Variants in NSRP1 observed in about 807,000 individuals in gnomAD.
The protein encoded by NSRP1 is coiled-coil domain containing 55.
Under a neutral mutation model 54.7 loss-of-function variants are expected in NSRP1, and 24 were observed. That is an observed-to-expected ratio of 0.44 (90% CI 0.32 to 0.62). NSRP1 has a LOEUF of 0.62. Ranked by LOEUF, NSRP1 falls within the 20% of genes least tolerant of loss-of-function variation. The pLI, the probability that NSRP1 is intolerant of heterozygous loss-of-function variation, is 0.06. For synonymous variants in NSRP1, 210 were observed against 213.8 expected, an observed-to-expected ratio of 0.98 and a Z score of 0.15; for missense variants, 596 against 651.2, an observed-to-expected ratio of 0.92 and a Z score of 0.92.
intron 2 of NSRP1, among the ~76,000 whole-genome samples, chr17:30,156,185 TTTC>T (rs2071960143): frequency 6.6e-6 from 1 of 151,166 alleles, no homozygotes; most frequent in Non-Finnish European, 1.5e-5. Context: ...ATGTACATTA[TTTC>T]AAATAGTTTC....
intron 2 of NSRP1, among the ~76,000 whole-genome samples, chr17:30,169,676 T>A (rs1438148606): frequency 6.6e-6 from 1 of 152,112 alleles, no homozygotes; most frequent in Non-Finnish European, 1.5e-5. Context: ...CAGCTATTAC[T>A]GTTTTTGTTA....
chr17:30,162,531 A>G (rs945126456), intron 2 of NSRP1, among the ~76,000 whole-genome samples: 2 of 152,364 alleles, frequency 1.3e-5, no homozygotes, highest in Non-Finnish European at 2.9e-5. Context: ...GTAAAAAAGA[A>G]CAGGAAGTTC....
intron 2 of NSRP1, among the ~76,000 whole-genome samples, chr17:30,145,359 C>A (rs1022987243): frequency 3.9e-5 from 6 of 152,106 alleles, no homozygotes; most frequent in Non-Finnish European, 8.8e-5. Context: ...CCAAGGTGGG[C>A]GGATCACGAG....
At chr17:30,124,853 A>T (rs527611967) in intron 2 of NSRP1, among the ~76,000 whole-genome samples, 3 of 152,316 alleles carry the variant, frequency 2.0e-5, no homozygotes, top group Admixed American at 6.5e-5. Context: ...AGTCTGGTTA[A>T]TTCCAGCTTG....
chr17:30,125,420 T>G (rs1164031743), intron 2 of NSRP1, among the ~76,000 whole-genome samples: 1 of 152,210 alleles, frequency 6.6e-6, no homozygotes, highest in Admixed American at 6.5e-5. Flanking sequence ...GCATTTAAGA[T>G]CAGATTTTTT....
chr17:30,169,342 A>C (rs769715821), intron 2 of NSRP1, among the ~76,000 whole-genome samples: 4 of 152,112 alleles, frequency 2.6e-5, no homozygotes, highest in Non-Finnish European at 5.9e-5. Flanking sequence ...TAAAGGTGAC[A>C]GACTGAAGGA....
chr17:30,123,867 C>T (rs978668842), intron 2 of NSRP1, among the ~76,000 whole-genome samples: 13 of 152,234 alleles, frequency 8.5e-5, no homozygotes, highest in African/African-American at 3.1e-4. Context: ...TTCTAGCACC[C>T]TTGTGGTTTA....
At chr17:30,136,326 TC>T (rs1425348836) in intron 2 of NSRP1, among the ~76,000 whole-genome samples, 1 of 152,222 alleles carries the variant, frequency 6.6e-6, no homozygotes, top group Non-Finnish European at 1.5e-5. Flanking sequence ...TGATTTTTTT[TC>T]TTTAATCCTG....
rs201919501 is a variant in NSRP1, at chr17:30,181,007, G to A, written c.608G>A (p.Arg203His). The change falls in exon 6 of 7, where the codon CGT (arginine) becomes CAT (histidine). Residue 203 changes from arginine (R) to histidine (H), a missense_variant. Arg to His is a conservative substitution (Grantham distance 29). Transcript: ENST00000247026. ...GEEEVPKCSF[R>H]EARSGIKEEK... is the part of the protein sequence containing the mutation. ...GAGGAAGTACCTAAATGCAGCTTTCGTGAAGCCAGGTGAGGAGACGTGTAT... is the reference window on the plus strand; with the variant it reads ...GAGGAAGTACCTAAATGCAGCTTTCATGAAGCCAGGTGAGGAGACGTGTAT... 9.2e-5 allele frequency: 146 copies of A among 1,587,826 alleles called. No homozygotes were observed. The African/African-American group carries it at 1.7e-3, about 19-fold the overall frequency.
At chr17:30,117,039 G>T in intron 1 of NSRP1, 176 bp downstream of exon 1, 1 of 879,290 alleles carries the variant, frequency 1.1e-6, no homozygotes, top group East Asian at 2.6e-5. Flanking sequence ...ACATTTTCCC[G>T]GATGGAAGCC....
At chr17:30,138,146 A>G (rs891112518) in intron 2 of NSRP1, among the ~76,000 whole-genome samples, 5 of 152,200 alleles carry the variant, frequency 3.3e-5, no homozygotes, top group South Asian at 2.1e-4. Context: ...TTCACTTAGC[A>G]TAATGTCCTC....
chr17:30,162,178 C>A (rs751607865), intron 2 of NSRP1, among the ~76,000 whole-genome samples: 1 of 152,216 alleles, frequency 6.6e-6, no homozygotes, highest in African/African-American at 2.4e-5. Context: ...GCGCGTGCCA[C>A]CATGCCCGGC....
intron 2 of NSRP1, among the ~76,000 whole-genome samples, chr17:30,129,380 T>C (rs2071679965): frequency 6.6e-6 from 1 of 151,926 alleles, no homozygotes; most frequent in African/African-American, 2.4e-5. Context: ...TATTATTATT[T>C]TGTTATAATT....
chr17:30,143,095 A>G (rs773339352), intron 2 of NSRP1, among the ~76,000 whole-genome samples: 6 of 152,208 alleles, frequency 3.9e-5, no homozygotes, highest in Non-Finnish European at 7.3e-5. Context: ...GCTTCCATAT[A>G]CTGACAGGCT....
At chr17:30,162,274 C>G (rs970822608) in intron 2 of NSRP1, among the ~76,000 whole-genome samples, 46 of 152,326 alleles carry the variant, frequency 3.0e-4, no homozygotes, top group African/African-American at 1.1e-3. Flanking sequence ...TCATGATCCA[C>G]CCGCCTTGGC....
At chr17:30,127,981 C>T (rs1259606678) in intron 2 of NSRP1, 6 of 397,228 alleles carry the variant, frequency 1.5e-5, no homozygotes, top group Middle Eastern at 6.3e-4. Flanking sequence ...ACCACAGGCA[C>T]ACACCACCAT....
chr17:30,153,400 G>A (rs73987726), intron 2 of NSRP1, among the ~76,000 whole-genome samples: 4,115 of 151,870 alleles, frequency 0.027, 166 homozygotes, highest in African/African-American at 0.094. Flanking sequence ...TAAAATTTTG[G>A]TCATTATCCC....
chr17:30,176,596 C>T (rs1905132593), intron 3 of NSRP1, among the ~76,000 whole-genome samples: 1 of 139,526 alleles, frequency 7.2e-6, no homozygotes, highest in Non-Finnish European at 1.5e-5. Context: ...GACAACAGTG[C>T]AAGACTTCGT....
intron 3 of NSRP1, among the ~76,000 whole-genome samples, chr17:30,175,079 A>T (rs2143009047): frequency 6.6e-6 from 1 of 152,268 alleles, no homozygotes; most frequent in South Asian, 2.1e-4. Flanking sequence ...CTGACAGATC[A>T]GTGTGTTCTT....
Sources: gnomAD v4.1 joint callset for allele counts (sites outside exome capture counted in the v4.1 genomes callset) on GRCh38, gnomAD v4.1.1 for gene constraint, MANE v1.5 for transcripts, NCBI Gene and HGNC (gene_info 2026-07-23, HGNC 2026-07-21) for gene names.